ADAMTS14: variants seen among roughly 807,000 people sequenced by gnomAD.
ADAMTS14 encodes the protein A disintegrin and metalloproteinase with thrombospondin motifs 14.
A neutral mutation model predicts 128.6 loss-of-function variants in ADAMTS14; 100 were observed. The observed-to-expected ratio is 0.78, with a 90% CI of 0.66 to 0.92. The LOEUF (loss-of-function observed/expected upper bound fraction) is 0.92, where lower values mean the gene tolerates loss of function less well. Among genes scored for constraint, ADAMTS14 ranks in the 40% least tolerant of loss-of-function variants. ADAMTS14 has a pLI of 0.00. For synonymous variants in ADAMTS14, 665 were observed against 653.8 expected (o/e 1.02, Z -0.26); for missense variants, 1,562 against 1,658.6 (o/e 0.94, Z 1.01).
Position 70,730,088 on chromosome 10 carries a change from C to A in ADAMTS14, c.955-14C>A. ...CCCTCCACGTGGCTGTTGGTGCTCT[C>A]CCGGCCCCTGCAGTCCCTGAGCCTG... is the stretch of plus-strand genomic sequence containing the variant. On this transcript the variant is annotated splice_polypyrimidine_tract_variant and intron_variant, in intron 5 of 21. Coordinates refer to ENST00000373207, the MANE Select transcript of ADAMTS14 (RefSeq NM_080722.4). 6.3e-7 allele frequency: 1 copy of A among 1,582,916 alleles called. No homozygotes were observed. The highest frequency in any genetic ancestry group is 8.6e-7 in the Non-Finnish European group (1 of 1,165,634).
At chr10:70,706,153 GC>G (rs542596011) in intron 3 of ADAMTS14, among the ~76,000 whole-genome samples, 18 of 152,074 alleles carry the variant, frequency 1.2e-4, no homozygotes, top group African/African-American at 2.4e-4. Context: ...TGTGGCTGGA[GC>G]CCCCCCACAG....
intron 2 of ADAMTS14, among the ~76,000 whole-genome samples, chr10:70,675,650 G>A (rs977921278): frequency 3.9e-5 from 6 of 152,144 alleles, no homozygotes; most frequent in East Asian, 3.9e-4. Context: ...CACTGCTTCC[G>A]CAATGCTTCC....
At chr10:70,721,010 CTCTTTTT>C (rs1564537524) in intron 4 of ADAMTS14, among the ~76,000 whole-genome samples, 4 of 143,476 alleles carry the variant, frequency 2.8e-5, no homozygotes, top group Admixed American at 1.4e-4. Flanking sequence ...AGAGCTTTTT[CTCTTTTT>C]TCTTTTTTTT....
At chr10:70,719,847 C>T (rs533645672) in intron 4 of ADAMTS14, among the ~76,000 whole-genome samples, 2 of 152,364 alleles carry the variant, frequency 1.3e-5, no homozygotes, top group South Asian at 4.1e-4. Context: ...CACAGATGAG[C>T]AGGGTCGAGC....
At chr10:70,710,724 T>C (rs1025171750) in intron 4 of ADAMTS14, among the ~76,000 whole-genome samples, 2 of 152,218 alleles carry the variant, frequency 1.3e-5, no homozygotes, top group Non-Finnish European at 2.9e-5. Context: ...TTAACAGTAC[T>C]TACTACCAGA....
Position 70,735,152 on chromosome 10 carries a change from C to G in ADAMTS14, c.1353-17C>G, listed in dbSNP as rs1332908935. 6 of 1,605,858 alleles carry G rather than the reference C, an allele frequency of 3.7e-6. No individual in the cohort carries two copies. The East Asian group carries it at 1.1e-4, about 30-fold the overall frequency. ...CCTGCTGTCAGCCTGGCTCACCTTC[C>G]TTGTCTCTACTGGCAGCTCCTACGA... On this transcript the variant is annotated splice_polypyrimidine_tract_variant and intron_variant, in intron 8 of 21. Coordinates refer to ENST00000373207, the MANE Select transcript of ADAMTS14 (RefSeq NM_080722.4).
intron 2 of ADAMTS14, among the ~76,000 whole-genome samples, chr10:70,694,880 G>A (rs951432333): frequency 9.2e-5 from 14 of 152,182 alleles, no homozygotes; most frequent in African/African-American, 3.4e-4. Flanking sequence ...CTTTCTCTTG[G>A]GTGCTTACAC....
intron 2 of ADAMTS14, among the ~76,000 whole-genome samples, chr10:70,686,274 CTT>C (rs5785998): frequency 2.4e-5 from 3 of 125,332 alleles, no homozygotes; most frequent in Non-Finnish European, 5.0e-5. Flanking sequence ...TCAGCCTTTG[CTT>C]TTTTTTTTTT....
chr10:70,716,744 G>A (rs146432427), intron 4 of ADAMTS14, among the ~76,000 whole-genome samples: 1 of 152,318 alleles, frequency 6.6e-6, no homozygotes, highest in East Asian at 1.9e-4. Context: ...AGGAGATCTG[G>A]TTCCTGGGAT....
chr10:70,700,473 G>C (rs900752390), intron 2 of ADAMTS14, among the ~76,000 whole-genome samples: 3 of 152,174 alleles, frequency 2.0e-5, no homozygotes, highest in Non-Finnish European at 4.4e-5. Context: ...CTTGTCTCTG[G>C]TGGCAGAGAG....
intron 4 of ADAMTS14, among the ~76,000 whole-genome samples, chr10:70,715,947 T>C (rs1484864184): frequency 6.6e-6 from 1 of 152,184 alleles, no homozygotes; most frequent in African/African-American, 2.4e-5. Context: ...CCTAGGACTT[T>C]ACTGTTGGAG....
At chr10:70,702,142 A>G (rs1224376944) in intron 2 of ADAMTS14, among the ~76,000 whole-genome samples, 170 bp from the exon 3 acceptor site, 1 of 152,166 alleles carries the variant, frequency 6.6e-6, no homozygotes, top group Non-Finnish European at 1.5e-5. Flanking sequence ...CTCCCCTGCC[A>G]GGGCCTCATA....
At position 70,760,900 on chromosome 10, in the gene ADAMTS14, C is replaced by T; in HGVS notation, c.*47C>T. 1 of 1,513,990 alleles carries T rather than the reference C, an allele frequency of 6.6e-7. No individual in the cohort carries two copies. Among genetic ancestry groups the T allele is most frequent in the Non-Finnish European group, 8.8e-7 (1 of 1,130,864 alleles). 93.8% of individuals were successfully genotyped at this position (1,513,990 alleles called of 1,614,324 possible). On this transcript the variant is annotated 3_prime_UTR_variant, in exon 22 of 22. Coordinates refer to ENST00000373207, the MANE Select transcript of ADAMTS14 (RefSeq NM_080722.4). The stretch of plus-strand genomic sequence containing the variant: ...GGCACGTTTACACTCTGTGTACTGC[C>T]CCGTGACTCCCAGCTCAGAGGACAC...
At chr10:70,704,853 C>T (rs919228745) in intron 3 of ADAMTS14, among the ~76,000 whole-genome samples, 9 of 151,968 alleles carry the variant, frequency 5.9e-5, no homozygotes, top group Admixed American at 5.9e-4. Flanking sequence ...CACACGCTTA[C>T]AAGCACACAC....
intron 2 of ADAMTS14, among the ~76,000 whole-genome samples, chr10:70,687,943 C>T (rs1373896724): frequency 1.4e-5 from 1 of 69,102 alleles, no homozygotes; most frequent in African/African-American, 5.7e-5. Flanking sequence ...CCGGATGGGG[C>T]GGCTGGCCGG....
rs1253579657 is a variant in ADAMTS14, at chr10:70,729,381, A to T, written c.954+4A>T. On this transcript the variant is annotated splice_donor_region_variant and intron_variant, in intron 5 of 21. Coordinates refer to ENST00000373207, the MANE Select transcript of ADAMTS14 (RefSeq NM_080722.4). ...GATCATGGTTGGCTACCGACAGGTA[A>T]ACCACCTTGTCAGCAGGCAGGGTTT... The T allele has an allele frequency of 6.2e-7, 1 of 1,612,986 alleles. No homozygotes were observed. The highest frequency in any genetic ancestry group is 1.7e-4 in the Middle Eastern group (1 of 5,910).
chr10:70,751,403 C>T lies in ADAMTS14; in HGVS notation c.2428-75C>T, dbSNP rs191810269. 97 of 1,443,068 alleles carry T rather than the reference C, an allele frequency of 6.7e-5. 1 individual carries two copies. The East Asian group carries it at 1.3e-3, about 20-fold the overall frequency. 89.4% of individuals were successfully genotyped at this position (1,443,068 alleles called of 1,614,324 possible). ...TGCTCCGACCCTAAGGCCTTCTCTT[C>T]GGCCCCTCCCCTCCCAGTGCATGCC... On this transcript the variant is annotated intron_variant, in intron 16 of 21. Coordinates refer to ENST00000373207, the MANE Select transcript of ADAMTS14 (RefSeq NM_080722.4).
At position 70,753,892 on chromosome 10, in the gene ADAMTS14, A is replaced by G. The variant is rs143456400; in HGVS notation, c.2822A>G (p.Asn941Ser). ...RGIQCLLPLS[N>S]GTHKVMPAKA... ...ATACAGTGCCTGCTGCCCCTCTCCAATGGAACCCACAAGGTCATGCCGGCC... is the reference window on the plus strand; with the variant it reads ...ATACAGTGCCTGCTGCCCCTCTCCAGTGGAACCCACAAGGTCATGCCGGCC... The change falls in exon 19 of 22, where the codon AAT (asparagine) becomes AGT (serine). Residue 941 changes from asparagine to serine, a missense_variant. Physicochemically the swap from Asn to Ser is conservative, Grantham distance 46 (BLOSUM62 1). Coordinates refer to ENST00000373207, the MANE Select transcript of ADAMTS14 (RefSeq NM_080722.4). 1.6e-3 allele frequency: 2,561 copies of G among 1,592,504 alleles called. 7 individuals carry two copies. Among genetic ancestry groups the G allele is most frequent in the Non-Finnish European group, 2.0e-3 (2,306 of 1,170,600 alleles).
intron 16 of ADAMTS14, 66 bp from the exon 17 acceptor site, chr10:70,751,412 C>T (rs1168184298): frequency 5.3e-6 from 8 of 1,505,974 alleles, no homozygotes; most frequent in Non-Finnish European, 6.4e-6. Context: ...TCGGCCCCTC[C>T]CCTCCCAGTG....
Sources: gnomAD v4.1 joint callset for allele counts (sites outside exome capture counted in the v4.1 genomes callset) on GRCh38, gnomAD v4.1.1 for gene constraint, MANE v1.5 for transcripts, NCBI Gene and HGNC (gene_info 2026-07-23, HGNC 2026-07-21) for gene names.